Variants in FRMD8 observed in about 807,000 individuals in gnomAD.
The protein encoded by FRMD8 is FERM domain-containing protein 8.
FRMD8 carries 37 observed loss-of-function variants against 54.2 expected under a neutral mutation model. The observed-to-expected ratio is 0.68, with a 90% CI of 0.53 to 0.90. FRMD8 has a LOEUF of 0.90. FRMD8 is among the 40% of genes least tolerant of loss of function. FRMD8 has a pLI of 0.00. For synonymous variants in FRMD8, 246 were observed against 286.9 expected, an observed-to-expected ratio of 0.86 and a Z score of 1.44; for missense variants, 585 against 653.7, an observed-to-expected ratio of 0.89 and a Z score of 1.15.
rs531452921 is a variant in FRMD8, at chr11:65,404,916, C to T, written c.1124C>T (p.Ala375Val). 1.5e-5 allele frequency: 24 copies of T among 1,613,294 alleles called. No homozygotes were observed. The East Asian group carries it at 2.9e-4, about 19-fold the overall frequency. The change falls in exon 10 of 11, where the codon GCG (alanine) becomes GTG (valine). Residue 375 changes from alanine to valine, a missense_variant. Ala to Val is a moderately conservative substitution (Grantham distance 64, BLOSUM62 0). Coordinates refer to ENST00000317568, the MANE Select transcript of FRMD8 (RefSeq NM_031904.5). This position sits in a 1 kb window ranked among gnomAD's most constrained non-coding sequence, Gnocchi z 4.7. ...IEYCIELSQA[A>V]EPAGPQDSAT... ...TACTGCATCGAACTGAGCCAGGCGGCGGAGCCCGCAGGCCCCCAGGACAGT... is the reference window on the plus strand; with the variant it reads ...TACTGCATCGAACTGAGCCAGGCGGTGGAGCCCGCAGGCCCCCAGGACAGT...
In FRMD8 at chr11:65,405,618, G is replaced by A. The variant is rs1458065456; in HGVS notation, c.1276+550G>A. On this transcript the variant is annotated intron_variant, in intron 10 of 10. Coordinates refer to ENST00000317568, the MANE Select transcript of FRMD8 (RefSeq NM_031904.5). ...AGCCTGGGAGACAGAGCAAGACTCC[G>A]TCTCAAAAATAAATAAATAAATAAA... Among the ~76,000 whole-genome samples, 6 of 151,858 alleles carry A rather than the reference G, an allele frequency of 4.0e-5. No individual in the cohort carries two copies. In the South Asian group the frequency reaches 8.3e-4, roughly 21 times the overall value.
chr11:65,377,106 G>C, the FRMD8 span: 1 of 1,601,108 alleles, frequency 6.2e-7, no homozygotes, highest in Non-Finnish European at 8.5e-7. Context: ...AGGGCCCCGG[G>C]TGGGGCTTTG....
Position 65,389,349 on chromosome 11 carries a change from T to G in FRMD8, c.86-12T>G. On this transcript the variant is annotated splice_polypyrimidine_tract_variant and intron_variant, in intron 2 of 10. Coordinates refer to ENST00000317568, the MANE Select transcript of FRMD8 (RefSeq NM_031904.5). The stretch of plus-strand genomic sequence containing the variant: ...AGAGGCCTCAGCTGAGCCTGCCTGG[T>G]CTCCATCACAGCGGCTGACGTGCTG... The G allele has an allele frequency of 6.2e-7, 1 of 1,608,668 alleles. No homozygotes were observed.
At chr11:65,371,597 C>A in the FRMD8 span, among the ~76,000 whole-genome samples, 6 of 152,188 alleles carry the variant, frequency 3.9e-5, no homozygotes, top group South Asian at 2.1e-4. Context: ...TGAGACCCTG[C>A]TGATTAAAAA....
chr11:65,380,623 C>T, the FRMD8 span: 1 of 1,291,798 alleles, frequency 7.7e-7, no homozygotes. Context: ...CCACGCAGAA[C>T]TGCAGGGCCC....
At chr11:65,403,226 A>G (rs1271125085) in intron 9 of FRMD8, among the ~76,000 whole-genome samples, 1 of 151,120 alleles carries the variant, frequency 6.6e-6, no homozygotes, top group East Asian at 1.9e-4. Flanking sequence ...TCTGTCGCCC[A>G]GGCTGGAGTG....
the FRMD8 span, chr11:65,380,399 C>G: frequency 2.2e-6 from 2 of 903,296 alleles, no homozygotes; most frequent in Non-Finnish European, 3.3e-6. Context: ...GACTAAGACC[C>G]CAGGCCCCAC....
Position 65,400,938 on chromosome 11 carries a change from G to T in FRMD8, c.1071+71G>T. 6.7e-7 allele frequency: 1 copy of T among 1,489,578 alleles called. No individual in the cohort carries two copies. The highest frequency in any genetic ancestry group is 1.3e-5 in the South Asian group (1 of 74,504). 92.3% of individuals were successfully genotyped at this position (1,489,578 alleles called of 1,614,324 possible). On this transcript the variant is annotated intron_variant, in intron 9 of 10. Transcript: ENST00000317568. The surrounding 1 kb of genome is among the most constrained non-coding windows in gnomAD (Gnocchi z 4.3). ...GTGCCCTGGGTCCCAGACAATTAGA[G>T]GCACCAGGCTGGCGGGCAAGGAGGT...
At chr11:65,376,056 A>G in the FRMD8 span, 1 of 260,732 alleles carries the variant, frequency 3.8e-6, no homozygotes, top group Middle Eastern at 1.3e-3. Context: ...GGTGACAGAG[A>G]AAGACTCCAT....
the FRMD8 span, chr11:65,380,127 C>G: frequency 2.5e-6 from 4 of 1,613,996 alleles, no homozygotes; most frequent in Non-Finnish European, 3.4e-6. Context: ...CTCTCCTAAA[C>G]TCACCTTTAC....
At chr11:65,376,998 G>A in the FRMD8 span, 17 of 1,613,794 alleles carry the variant, frequency 1.1e-5, no homozygotes, top group East Asian at 2.2e-5. Context: ...CGGGGTGGGG[G>A]GCTCCCTGGC....
At chr11:65,369,275 G>A in the FRMD8 span, among the ~76,000 whole-genome samples, 1 of 152,102 alleles carries the variant, frequency 6.6e-6, no homozygotes, top group Non-Finnish European at 1.5e-5. Context: ...CTGGGTGGGA[G>A]GCACACAGGC....
chr11:65,378,963 A>C, the FRMD8 span: 1 of 188,424 alleles, frequency 5.3e-6, no homozygotes, highest in Non-Finnish European at 1.1e-5. Context: ...GGGCCAGGGG[A>C]GTGTCAGGAC....
chr11:65,380,055 CA>C, the FRMD8 span: 2 of 1,583,156 alleles, frequency 1.3e-6, no homozygotes, highest in South Asian at 2.2e-5. Flanking sequence ...CAAGATTAGC[CA>C]GGCCTGATCT....
chr11:65,408,586 C>T (rs987700285), intron 10 of FRMD8, among the ~76,000 whole-genome samples: 1 of 151,604 alleles, frequency 6.6e-6, no homozygotes, highest in African/African-American at 2.4e-5. Flanking sequence ...GGATACTTTC[C>T]TAGAAATGGC....
intron 9 of FRMD8, among the ~76,000 whole-genome samples, chr11:65,403,387 T>G (rs1041074312): frequency 6.6e-6 from 1 of 152,166 alleles, no homozygotes; most frequent in Non-Finnish European, 1.5e-5. Context: ...TTCACCATGT[T>G]GGCCAGGCTG....
chr11:65,389,217 T>C (rs1855790722), intron 2 of FRMD8, 144 bp from the exon 3 acceptor site: 1 of 738,308 alleles, frequency 1.4e-6, no homozygotes, highest in Admixed American at 2.3e-5. Context: ...GCGAGGACTC[T>C]GTCTCAGGAG....
chr11:65,380,703 C>CT, the FRMD8 span: 1 of 882,642 alleles, frequency 1.1e-6, no homozygotes, highest in Non-Finnish European at 1.6e-6. Flanking sequence ...ACTGCCTAGC[C>CT]CTGCCCTCCA....
At chr11:65,388,230 G>A (rs950892117) in intron 2 of FRMD8, among the ~76,000 whole-genome samples, 2 of 152,020 alleles carry the variant, frequency 1.3e-5, no homozygotes, top group African/African-American at 4.8e-5. Context: ...TGGGCCCTAG[G>A]GAGGTTAAGT....
Sources: gnomAD v4.1 joint callset for allele counts (sites outside exome capture counted in the v4.1 genomes callset) on GRCh38, gnomAD v4.1.1 for gene constraint, Gnocchi (gnomAD v3.1) non-coding constraint, MANE v1.5 for transcripts, NCBI Gene and HGNC (gene_info 2026-07-23, HGNC 2026-07-21) for gene names.